The following TGM6 variants were observed in gnomAD, a reference collection of about 807,000 sequenced individuals.
TGM6 encodes transglutaminase 6.
A neutral mutation model predicts 77.5 loss-of-function variants in TGM6; 74 were observed. The ratio of observed to expected loss-of-function variants is 0.96; its 90% CI spans 0.79 to 1.16. The LOEUF is 1.16. Among genes scored for constraint, TGM6 ranks in the 50% most tolerant of loss-of-function variants. TGM6 has a pLI of 0.00. For synonymous variants in TGM6, 383 were observed against 378.9 expected (o/e 1.01, Z -0.12); for missense variants, 968 against 940.2 (o/e 1.03, Z -0.39).
Position 2,403,665 on chromosome 20 carries a change from C to T in TGM6, c.1178C>T (p.Ala393Val), listed in dbSNP as rs920072527. 2.2e-5 allele frequency: 35 copies of T among 1,614,044 alleles called. No individual in the cohort carries two copies. The highest frequency in any genetic ancestry group is 1.6e-4 in the Middle Eastern group (1 of 6,084). The change falls in exon 9 of 13, where the codon GCG (alanine) becomes GTG (valine). Residue 393 changes from alanine to valine, a missense_variant. Coordinates refer to ENST00000202625, the MANE Select transcript of TGM6 (RefSeq NM_198994.3). ...HLAHDGPFVF[A>V]EVNADYITWL... ...GCTCACGATGGCCCCTTCGTGTTTG[C>T]GGAGGTCAACGCCGACTACATCACC...
chr20:2,393,596 C>T (rs2084642439), intron 1 of TGM6, among the ~76,000 whole-genome samples: 1 of 152,098 alleles, frequency 6.6e-6, no homozygotes, highest in African/African-American at 2.4e-5. Flanking sequence ...TGCAGTGGTG[C>T]AATCTGAGCT....
intron 1 of TGM6, 50 bp from the exon 2 acceptor site, chr20:2,394,402 G>A (rs2084647572): frequency 1.2e-6 from 2 of 1,602,440 alleles, no homozygotes; most frequent in Non-Finnish European, 1.7e-6. Context: ...CTCAGAGTGG[G>A]TGAGAAACAG....
In TGM6 at chr20:2,394,607, A is replaced by G; in HGVS notation, c.163A>G (p.Ile55Val). The change falls in exon 2 of 13, where the codon ATC becomes GTC. Residue 55 changes from isoleucine to valine, a missense_variant. Coordinates refer to ENST00000202625, the MANE Select transcript of TGM6 (RefSeq NM_198994.3). ...AGCCCTGGACTGTGAGGAGATCCTC[A>G]TCTTCACGATGGAGACAGGTAACTG... ...SRALDCEEILIFTMETGPRAS... is the reference protein window; with the variant it reads ...SRALDCEEILVFTMETGPRAS... 6.2e-7 allele frequency: 1 copy of G among 1,611,602 alleles called. No individual in the cohort carries two copies. Among genetic ancestry groups the G allele is most frequent in the Non-Finnish European group, 8.5e-7 (1 of 1,179,388 alleles).
At chr20:2,394,882 A>G (rs2084652334) in intron 2 of TGM6, among the ~76,000 whole-genome samples, 1 of 152,188 alleles carries the variant, frequency 6.6e-6, no homozygotes, top group South Asian at 2.1e-4. Flanking sequence ...GGGCTCTGGA[A>G]GGGTATGAAA....
chr20:2,403,877 C>T (rs920038661), intron 9 of TGM6, 54 bp downstream of exon 9: 32 of 1,613,102 alleles, frequency 2.0e-5, no homozygotes, highest in Non-Finnish European at 2.7e-5. Flanking sequence ...CCATCAGCTG[C>T]AGAGGGCCCA....
chr20:2,411,743 AT>A (rs2084785509), intron 9 of TGM6, among the ~76,000 whole-genome samples: 1 of 152,258 alleles, frequency 6.6e-6, no homozygotes, highest in Non-Finnish European at 1.5e-5. Flanking sequence ...AGACTCTTAC[AT>A]TATATAGAAA....
At chr20:2,432,131 C>T (rs910446372) in intron 12 of TGM6, among the ~76,000 whole-genome samples, 1 of 152,172 alleles carries the variant, frequency 6.6e-6, no homozygotes, top group Non-Finnish European at 1.5e-5. Flanking sequence ...TCACTGCAAC[C>T]TCTCCCTCCC....
chr20:2,414,938 G>GT (rs2084805259), intron 9 of TGM6, among the ~76,000 whole-genome samples: 1 of 141,404 alleles, frequency 7.1e-6, no homozygotes, highest in African/African-American at 2.7e-5. Flanking sequence ...AGAATTTGGG[G>GT]GGGGGGGTGA....
At chr20:2,385,662 T>A (rs1333023144) in intron 1 of TGM6, among the ~76,000 whole-genome samples, 7 of 151,842 alleles carry the variant, frequency 4.6e-5, no homozygotes, top group African/African-American at 1.7e-4. Context: ...GAGAGAGGGA[T>A]TATGGGGTGG....
rs1284498972 is a variant in TGM6, at chr20:2,417,481, T to C, written c.1586T>C (p.Val529Ala). 1.9e-6 allele frequency: 3 copies of C among 1,609,734 alleles called. No individual in the cohort carries two copies. The African/African-American group carries it at 4.0e-5, about 21-fold the overall frequency. ...ACCTCCCGGGCCCAGCGGGTGAGGG[T>C]CAACCTGAGCGGTGCCACCATCCTC... The part of the protein sequence containing the change: ...NLTSRAQRVR[V>A]NLSGATILYT... Residue 529 changes from valine (V) to alanine (A), a missense_variant, in exon 10 of 13, where the codon GTC becomes GCC. Transcript: ENST00000202625.
At chr20:2,392,522 T>G (rs918677596) in intron 1 of TGM6, among the ~76,000 whole-genome samples, 2 of 152,212 alleles carry the variant, frequency 1.3e-5, no homozygotes, top group Non-Finnish European at 2.9e-5. Flanking sequence ...TGAGCTCTCA[T>G]GTTACGAGGA....
chr20:2,398,895 A>C (rs1331843442), intron 5 of TGM6, among the ~76,000 whole-genome samples: 1 of 152,184 alleles, frequency 6.6e-6, no homozygotes, highest in Non-Finnish European at 1.5e-5. Flanking sequence ...CCAAAATTGC[A>C]CAAAGCTATA....
chr20:2,391,376 G>A (rs901303813), intron 1 of TGM6, among the ~76,000 whole-genome samples: 2 of 152,130 alleles, frequency 1.3e-5, no homozygotes, highest in Non-Finnish European at 2.9e-5. Context: ...ACAATCACAG[G>A]CACCCCAACC....
chr20:2,391,184 A>T (rs2084627381), intron 1 of TGM6, among the ~76,000 whole-genome samples: 1 of 151,544 alleles, frequency 6.6e-6, no homozygotes, highest in Non-Finnish European at 1.5e-5. Flanking sequence ...AGTGAGCATG[A>T]CAGCATCTAG....
intron 10 of TGM6, among the ~76,000 whole-genome samples, chr20:2,418,954 G>A (rs1435995189): frequency 6.6e-6 from 1 of 152,188 alleles, no homozygotes; most frequent in Non-Finnish European, 1.5e-5. Context: ...GCACACGCCT[G>A]TAGTCCCAGC....
rs1200009257 is a variant in TGM6 at position 2,399,551 on chromosome 20, C to G, written c.673-10C>G. ...TGCCTGGTTGTGGACCCGTGCCCTC[C>G]TCTGCCCAGGTGAACAGCAACAACG... On this transcript the variant is annotated splice_polypyrimidine_tract_variant and intron_variant, in intron 5 of 12. Coordinates refer to ENST00000202625, the MANE Select transcript of TGM6 (RefSeq NM_198994.3). 1 of 1,612,296 alleles carries G rather than the reference C, an allele frequency of 6.2e-7. No individual in the cohort carries two copies. Among genetic ancestry groups the G allele is most frequent in the South Asian group, 1.1e-5 (1 of 91,012 alleles).
At chr20:2,429,716 C>T (rs1369985319) in intron 10 of TGM6, among the ~76,000 whole-genome samples, 4 of 151,952 alleles carry the variant, frequency 2.6e-5, no homozygotes, top group African/African-American at 9.7e-5. Context: ...TTGCAGTGAG[C>T]CGAGATCATG....
intron 9 of TGM6, among the ~76,000 whole-genome samples, chr20:2,409,122 A>G (rs1275832943): frequency 6.6e-6 from 1 of 152,202 alleles, no homozygotes; most frequent in African/African-American, 2.4e-5. Context: ...TTGAAATCAT[A>G]CAAAGTGTAT....
chr20:2,414,065 T>A (rs1361538748), intron 9 of TGM6, among the ~76,000 whole-genome samples: 1 of 151,854 alleles, frequency 6.6e-6, no homozygotes, highest in East Asian at 1.9e-4. Context: ...AAAAAAATAA[T>A]TTTTTTTGAG....
Sources: allele counts gnomAD v4.1 joint callset (sites outside exome capture counted in the v4.1 genomes callset), GRCh38; gene constraint gnomAD v4.1.1; transcripts MANE v1.5; gene names NCBI Gene and HGNC (gene_info 2026-07-23, HGNC 2026-07-21).